The following PTPRT variants were observed in gnomAD, a reference collection of about 807,000 sequenced individuals.
PTPRT encodes receptor-type tyrosine-protein phosphatase T.
In PTPRT, 56 loss-of-function variants were observed where a neutral mutation model predicts 176.8. The observed-to-expected ratio is 0.32, with a 90% CI of 0.26 to 0.40. The LOEUF is 0.40. Ranked by LOEUF, PTPRT falls within the 10% of genes least tolerant of loss-of-function variation. The pLI, the probability that PTPRT is intolerant of heterozygous loss-of-function variation, is 1.00. For synonymous variants in PTPRT, 783 were observed against 739.0 expected, an observed-to-expected ratio of 1.06 and a Z score of -0.96; for missense variants, 1,540 against 1,908.2, an observed-to-expected ratio of 0.81 and a Z score of 3.60.
At chr20:42,915,598 T>TTATC (rs1019453927) in intron 1 of PTPRT, among the ~76,000 whole-genome samples, 2 of 152,096 alleles carry the variant, frequency 1.3e-5, no homozygotes, top group Admixed American at 6.6e-5. Flanking sequence ...AGTTGATTGG[T>TTATC]TATCTATCTA....
At chr20:42,411,493 G>A (rs1334952156) in intron 9 of PTPRT, among the ~76,000 whole-genome samples, 2 of 125,512 alleles carry the variant, frequency 1.6e-5, no homozygotes, top group African/African-American at 3.1e-5. Context: ...CTACAGCCTA[G>A]CCAACAAGAG....
At chr20:42,204,470 G>C (rs543769989) in intron 15 of PTPRT, among the ~76,000 whole-genome samples, 5 of 152,070 alleles carry the variant, frequency 3.3e-5, no homozygotes, top group African/African-American at 9.7e-5. Context: ...GCCAGCAGGG[G>C]GTACCAAAAG....
At chr20:42,093,605 C>T (rs1290774128) in intron 27 of PTPRT, among the ~76,000 whole-genome samples, 2 of 152,186 alleles carry the variant, frequency 1.3e-5, no homozygotes, top group African/African-American at 4.8e-5. Flanking sequence ...TACAGGTAGC[C>T]CTGCCCAATC....
chr20:42,744,955 T>A (rs979034586), intron 6 of PTPRT, among the ~76,000 whole-genome samples: 1 of 152,218 alleles, frequency 6.6e-6, no homozygotes, highest in Non-Finnish European at 1.5e-5. Flanking sequence ...CACCACTTTA[T>A]CCTATGGAAG....
At chr20:42,424,101 C>T (rs1252898939) in intron 9 of PTPRT, among the ~76,000 whole-genome samples, 1 of 152,190 alleles carries the variant, frequency 6.6e-6, no homozygotes, top group African/African-American at 2.4e-5. Flanking sequence ...GAACCAAATG[C>T]TCTTGAGATG....
At chr20:42,399,791 TACA>T (rs1285502083) in intron 9 of PTPRT, among the ~76,000 whole-genome samples, 2 of 152,216 alleles carry the variant, frequency 1.3e-5, no homozygotes, top group Non-Finnish European at 2.9e-5. Flanking sequence ...GCACAAGTAC[TACA>T]ACAATGTGGG....
intron 6 of PTPRT, among the ~76,000 whole-genome samples, chr20:42,693,153 T>C (rs1450616624): frequency 6.6e-6 from 1 of 152,220 alleles, no homozygotes; most frequent in Non-Finnish European, 1.5e-5. Context: ...TATGTGCATT[T>C]GTGTATATAC....
chr20:42,699,363 G>A (rs1488224549), intron 6 of PTPRT, among the ~76,000 whole-genome samples: 1 of 152,130 alleles, frequency 6.6e-6, no homozygotes, highest in East Asian at 1.9e-4. Flanking sequence ...CCTTCTAGGA[G>A]ACCAGCAGCC....
At chr20:42,183,796 A>C (rs1340779436) in intron 16 of PTPRT, among the ~76,000 whole-genome samples, 1 of 152,196 alleles carries the variant, frequency 6.6e-6, no homozygotes, top group African/African-American at 2.4e-5. Context: ...TTTAATAATG[A>C]TACACAGCAG....
intron 12 of PTPRT, among the ~76,000 whole-genome samples, chr20:42,299,964 T>C (rs921507414): frequency 6.6e-6 from 1 of 151,214 alleles, no homozygotes; most frequent in Non-Finnish European, 1.5e-5. Context: ...CCTTTTATGA[T>C]AGATAGCTAA....
intron 1 of PTPRT, among the ~76,000 whole-genome samples, chr20:43,103,030 C>T (rs988753222): frequency 9.9e-5 from 15 of 152,028 alleles, no homozygotes; most frequent in African/African-American, 3.6e-4. Context: ...AAGGAAAAGA[C>T]CAGAGATGAA....
At chr20:42,282,456 C>G in intron 13 of PTPRT, 33 bp downstream of exon 13, 1 of 1,583,988 alleles carries the variant, frequency 6.3e-7, no homozygotes, top group Non-Finnish European at 8.6e-7. Flanking sequence ...GGCTGAAGAA[C>G]AGGTGAAGAC....
intron 5 of PTPRT, among the ~76,000 whole-genome samples, chr20:42,770,205 C>T (rs1291569304): frequency 6.6e-6 from 1 of 152,166 alleles, no homozygotes; most frequent in Non-Finnish European, 1.5e-5. Context: ...TCACTGCAAC[C>T]TCCGCCTCCT....
At chr20:42,543,703 C>A (rs1366293424) in intron 7 of PTPRT, among the ~76,000 whole-genome samples, 1 of 151,944 alleles carries the variant, frequency 6.6e-6, no homozygotes, top group African/African-American at 2.4e-5. Flanking sequence ...ATATCTATGG[C>A]AGCTGTAGCC....
intron 13 of PTPRT, among the ~76,000 whole-genome samples, chr20:42,258,213 T>C (rs2056683457): frequency 6.6e-6 from 1 of 152,208 alleles, no homozygotes; most frequent in African/African-American, 2.4e-5. Context: ...GCAGTTCTAT[T>C]TCATGCATCT....
chr20:43,039,846 G>A lies in PTPRT; in HGVS notation c.88+149800C>T, dbSNP rs1986533808. On this transcript the variant is annotated intron_variant, in intron 1 of 30. Coordinates refer to ENST00000373187, the MANE Select transcript of PTPRT (RefSeq NM_007050.6). ...ACCTGAGCTCAAGAGTTCTAGACCA[G>A]CCTGGGCAGTATGACAAAACCCTAT... Among the ~76,000 whole-genome samples, 3 of 152,152 alleles carry A rather than the reference G, an allele frequency of 2.0e-5. No homozygotes were observed. In the South Asian group the frequency reaches 6.2e-4, roughly 32 times the overall value.
At chr20:43,160,002 CAAA>C (rs11475762) in intron 1 of PTPRT, among the ~76,000 whole-genome samples, 20 of 136,494 alleles carry the variant, frequency 1.5e-4, no homozygotes, top group Admixed American at 2.2e-4. Context: ...CTTCCCCCTG[CAAA>C]AAAAAAAAAA....
chr20:42,812,462 T>C lies in PTPRT; in HGVS notation c.215-20996A>G, dbSNP rs6030486. On this transcript the variant is annotated intron_variant, in intron 2 of 30. Transcript: ENST00000373187. ...CTATGAATTTGCGTACTCTAGATAT[T>C]ACTTATAAATGGAATCCTGTAGTCC... 4.2e-3 allele frequency among the ~76,000 whole-genome samples: 646 copies of C among 152,236 alleles called. 4 individuals are homozygous for C. Among genetic ancestry groups the C allele is most frequent in the African/African-American group, 0.015 (608 of 41,566 alleles).
intron 2 of PTPRT, among the ~76,000 whole-genome samples, chr20:42,884,623 C>T (rs796982632): frequency 6.6e-6 from 1 of 152,138 alleles, no homozygotes; most frequent in Admixed American, 6.5e-5. Flanking sequence ...TTGAGGCCAA[C>T]CACAGAAAGA....
Sources: gnomAD v4.1 joint callset for allele counts (sites outside exome capture counted in the v4.1 genomes callset) on GRCh38, gnomAD v4.1.1 for gene constraint, MANE v1.5 for transcripts, NCBI Gene and HGNC (gene_info 2026-07-23, HGNC 2026-07-21) for gene names.